Variants in SLC4A5 observed in about 807,000 individuals in gnomAD.
SLC4A5 encodes electrogenic sodium bicarbonate cotransporter 4.
Under a neutral mutation model 120.4 loss-of-function variants are expected in SLC4A5, and 96 were observed. The ratio of observed to expected loss-of-function variants is 0.80; its 90% confidence interval spans 0.68 to 0.94. The LOEUF (loss-of-function observed/expected upper bound fraction) is 0.94, where lower values mean the gene tolerates loss of function less well. Ranked by LOEUF, SLC4A5 falls within the 40% of genes least tolerant of loss-of-function variation. SLC4A5 has a pLI of 0.00. For missense variants in SLC4A5, 1,259 were observed against 1,459.5 expected (o/e 0.86, Z 2.24); for synonymous variants, 550 against 571.1 (o/e 0.96, Z 0.53).
At position 74,250,587 on chromosome 2, in the gene SLC4A5, G is replaced by A. The variant is rs536953318; in HGVS notation, c.1479-70C>T. On this transcript the variant is annotated intron_variant, in intron 16 of 30. Coordinates refer to ENST00000394019, the Ensembl canonical transcript of SLC4A5. ...AGTGCAGGGGCAGGGCTATTTACAA[G>A]AACTTGCAGAGTCTGGGGCGAGGAA... The A allele has an allele frequency of 1.3e-5, 21 of 1,572,286 alleles. No homozygotes were observed. The African/African-American group carries it at 1.6e-4, about 12-fold the overall frequency.
chr2:74,301,650 T>C (rs1672478623), intron 7 of SLC4A5, among the ~76,000 whole-genome samples: 1 of 152,260 alleles, frequency 6.6e-6, no homozygotes, highest in Non-Finnish European at 1.5e-5. Context: ...CTGTTTTATT[T>C]TGACTTCTGC....
chr2:74,236,559 GT>G (rs760940126), intron 21 of SLC4A5, among the ~76,000 whole-genome samples: 3 of 152,120 alleles, frequency 2.0e-5, no homozygotes, highest in African/African-American at 4.8e-5. Flanking sequence ...TGGCTTGTGT[GT>G]TTTATCTGTA....
At chr2:74,278,669 T>C (rs1671718832) in intron 8 of SLC4A5, among the ~76,000 whole-genome samples, 1 of 152,034 alleles carries the variant, frequency 6.6e-6, no homozygotes, top group Non-Finnish European at 1.5e-5. Context: ...AACATAAGCC[T>C]CAAGTGTCAG....
intron 2 of SLC4A5, among the ~76,000 whole-genome samples, chr2:74,341,136 C>T (rs774072747): frequency 1.3e-5 from 2 of 152,016 alleles, no homozygotes; most frequent in Non-Finnish European, 2.9e-5. Context: ...GAAACCCCAT[C>T]TCTACTAAAA....
At chr2:74,259,612 AATG>A (rs778998245) in exon 12 of SLC4A5, 4 of 1,614,056 alleles carry the variant, frequency 2.5e-6, no homozygotes, top group Non-Finnish European at 3.4e-6. Context: ...GGGTGAGAGA[AATG>A]TCATTCATGC....
intron 20 of SLC4A5, among the ~76,000 whole-genome samples, chr2:74,239,829 G>C (rs1670381115): frequency 7.4e-6 from 1 of 134,828 alleles, no homozygotes; most frequent in African/African-American, 2.9e-5. Context: ...CAGGTCCTGT[G>C]GACGCCTCCT....
rs368033916 is a variant in SLC4A5, at chr2:74,264,130, C to T, written c.715+17G>A. Reference sequence around the variant, plus strand: ...GCCCTGCATGTCCCATGCCTACCAGCGTAAGGCCTGACTCACTTGTGGTGG... The same window carrying T: ...GCCCTGCATGTCCCATGCCTACCAGTGTAAGGCCTGACTCACTTGTGGTGG... On this transcript the variant is annotated intron_variant, in intron 10 of 30. Coordinates refer to ENST00000394019, the Ensembl canonical transcript of SLC4A5. 2.0e-5 allele frequency: 32 copies of T among 1,610,512 alleles called. No homozygotes were observed. The highest frequency in any genetic ancestry group is 2.2e-5 in the Non-Finnish European group (26 of 1,178,390).
At chr2:74,317,099 A>T (rs1212192366) in intron 5 of SLC4A5, among the ~76,000 whole-genome samples, 2 of 152,194 alleles carry the variant, frequency 1.3e-5, no homozygotes, top group African/African-American at 4.8e-5. Flanking sequence ...TAGCCAACCC[A>T]GTCAACTTAA....
Position 74,341,918 on chromosome 2 carries a change from T to C in SLC4A5, c.-270+540A>G, listed in dbSNP as rs749774198. Among the ~76,000 whole-genome samples the C allele has an allele frequency of 3.9e-5, 6 of 152,176 alleles. No homozygotes were observed. In the South Asian group the frequency reaches 6.2e-4, roughly 16 times the overall value. The stretch of plus-strand genomic sequence containing the variant: ...TGTCCTGTGATACCAGAAGGGAGCA[T>C]TGCAATGACCTATTAAACCTCAAAC... On this transcript the variant is annotated intron_variant, in intron 2 of 30. Coordinates refer to ENST00000394019, the Ensembl canonical transcript of SLC4A5.
intron 25 of SLC4A5, 94 bp downstream of exon 25, chr2:74,231,142 T>G: frequency 8.8e-7 from 1 of 1,138,434 alleles, no homozygotes; most frequent in Non-Finnish European, 1.3e-6. Flanking sequence ...GATAGGCCAG[T>G]GATCCCTAGC....
chr2:74,230,888 C>A (rs1670057547), intron 25 of SLC4A5, among the ~76,000 whole-genome samples: 2 of 152,080 alleles, frequency 1.3e-5, no homozygotes, highest in African/African-American at 4.8e-5. Context: ...CTCACTGCAA[C>A]CTCCACCTCC....
At chr2:74,337,754 C>T (rs773534535) in intron 3 of SLC4A5, among the ~76,000 whole-genome samples, 9 of 152,210 alleles carry the variant, frequency 5.9e-5, no homozygotes, top group Non-Finnish European at 1.2e-4. Flanking sequence ...CTTGAATTTG[C>T]ATCCCGATCT....
At chr2:74,252,048 G>T in intron 16 of SLC4A5, 131 bp downstream of exon 16, 3 of 977,650 alleles carry the variant, frequency 3.1e-6, no homozygotes, top group Middle Eastern at 2.7e-4. Flanking sequence ...CAAGGGCTCT[G>T]GGAGGGAAAG....
At chr2:74,323,658 A>G (rs1426816053) in intron 5 of SLC4A5, among the ~76,000 whole-genome samples, 1 of 152,248 alleles carries the variant, frequency 6.6e-6, no homozygotes, top group African/African-American at 2.4e-5. Flanking sequence ...GAAAATGCAA[A>G]GAAAAAAGAC....
At chr2:74,325,633 G>A (rs550070747) in intron 5 of SLC4A5, among the ~76,000 whole-genome samples, 4 of 152,132 alleles carry the variant, frequency 2.6e-5, no homozygotes, top group African/African-American at 4.8e-5. Context: ...CATATAATGT[G>A]TATTAGTTGA....
chr2:74,238,397 C>T (rs1398800906), intron 21 of SLC4A5, among the ~76,000 whole-genome samples: 1 of 151,964 alleles, frequency 6.6e-6, no homozygotes, highest in African/African-American at 2.4e-5. Context: ...TTCTAAAATT[C>T]ATGTGGAAAT....
At chr2:74,254,484 CT>C in intron 14 of SLC4A5, 134 bp downstream of exon 14, 1 of 703,600 alleles carries the variant, frequency 1.4e-6, no homozygotes, top group Non-Finnish European at 2.5e-6. Flanking sequence ...TTCTCATAAT[CT>C]TTAGCATCCT....
At chr2:74,267,558 C>G (rs1338732323) in intron 8 of SLC4A5, among the ~76,000 whole-genome samples, 7 of 152,206 alleles carry the variant, frequency 4.6e-5, no homozygotes, top group Admixed American at 3.9e-4. Context: ...TGTGTGTGCA[C>G]ACATGTGTCT....
chr2:74,278,713 G>A (rs1470502038), intron 8 of SLC4A5, among the ~76,000 whole-genome samples: 1 of 152,174 alleles, frequency 6.6e-6, no homozygotes, highest in African/African-American at 2.4e-5. Context: ...GAAGGACCAA[G>A]TTAGATACTG....
Sources: gnomAD v4.1 joint callset for allele counts (sites outside exome capture counted in the v4.1 genomes callset) on GRCh38, gnomAD v4.1.1 for gene constraint, MANE v1.5 for transcripts, NCBI Gene and HGNC (gene_info 2026-07-23, HGNC 2026-07-21) for gene names.